KCNU1: variants seen among roughly 807,000 people sequenced by gnomAD.
KCNU1 encodes the protein potassium calcium-activated channel subfamily U member 1.
KCNU1 carries 93 observed loss-of-function variants against 126.8 expected under a neutral mutation model. The observed-to-expected ratio is 0.73, with a 90% CI of 0.62 to 0.87. KCNU1 has a LOEUF of 0.87. KCNU1 is among the 40% of genes least tolerant of loss of function. The pLI, the probability that KCNU1 is intolerant of heterozygous loss-of-function variation, is 0.00. For missense variants in KCNU1, 1,330 were observed against 1,367.1 expected, an observed-to-expected ratio of 0.97 and a Z score of 0.43; for synonymous variants, 523 against 494.2, an observed-to-expected ratio of 1.06 and a Z score of -0.77.
chr8:36,921,619 C>A (rs546807321), intron 23 of KCNU1, among the ~76,000 whole-genome samples: 8 of 138,250 alleles, frequency 5.8e-5, no homozygotes, highest in Non-Finnish European at 1.2e-4. Context: ...GCAGAGGTTG[C>A]AGTGACTGCA....
intron 22 of KCNU1, among the ~76,000 whole-genome samples, chr8:36,917,269 G>T (rs1192545791): frequency 2.0e-5 from 3 of 152,028 alleles, no homozygotes; most frequent in South Asian, 2.1e-4. Context: ...AACAACAGTT[G>T]TAAGCACAAC....
At position 36,840,814 on chromosome 8, in the gene KCNU1, T is replaced by A. The variant is rs868220088; in HGVS notation, c.1632-118T>A. On this transcript the variant is annotated intron_variant, in intron 15 of 26. Coordinates refer to ENST00000399881, the MANE Select transcript of KCNU1 (RefSeq NM_001031836.3). The stretch of plus-strand genomic sequence containing the variant: ...TTCACTTACAAGGGATCATTCCACA[T>A]TGGGAGTTCTTTCCTCTAAGATGTT... 27 of 764,182 alleles carry A rather than the reference T, an allele frequency of 3.5e-5. No individual in the cohort carries two copies. In the African/African-American group the frequency reaches 4.0e-4, roughly 11 times the overall value. The allele number at this position is 764,182 out of a possible 1,614,324, so 47.3% of individuals were successfully genotyped here.
chr8:36,925,043 C>A (rs192964979), intron 24 of KCNU1, among the ~76,000 whole-genome samples: 2 of 152,158 alleles, frequency 1.3e-5, no homozygotes, highest in African/African-American at 2.4e-5. Context: ...CCTCCCACCA[C>A]TCAGCACCTG....
At chr8:36,858,427 T>C (rs538871746) in intron 18 of KCNU1, among the ~76,000 whole-genome samples, 23 of 152,018 alleles carry the variant, frequency 1.5e-4, no homozygotes, top group Non-Finnish European at 2.8e-4. Context: ...GAAAGTCCCA[T>C]TAGAGGAAGG....
At chr8:36,861,114 A>T (rs1805714716) in intron 18 of KCNU1, among the ~76,000 whole-genome samples, 1 of 152,038 alleles carries the variant, frequency 6.6e-6, no homozygotes, top group Non-Finnish European at 1.5e-5. Flanking sequence ...GTCTTAGGTT[A>T]GGTAGGAGAA....
intron 7 of KCNU1, among the ~76,000 whole-genome samples, chr8:36,809,041 C>A (rs1803611529): frequency 6.6e-6 from 1 of 152,072 alleles, no homozygotes; most frequent in African/African-American, 2.4e-5. Flanking sequence ...ACCTAGTAAG[C>A]TCCAAAGGTA....
intron 6 of KCNU1, 45 bp from the exon 7 acceptor site, chr8:36,808,673 C>A (rs748185963): frequency 8.2e-7 from 1 of 1,221,064 alleles, no homozygotes; most frequent in Non-Finnish European, 1.2e-6. Flanking sequence ...TTGTGTTGTT[C>A]TGGAATCTGT....
chr8:36,862,612 A>G (rs1805771982), intron 18 of KCNU1, among the ~76,000 whole-genome samples: 1 of 152,178 alleles, frequency 6.6e-6, no homozygotes, highest in African/African-American at 2.4e-5. Flanking sequence ...CAAAATTATA[A>G]AAGTCATTAA....
At chr8:36,905,460 C>CA (rs200274541) in intron 19 of KCNU1, among the ~76,000 whole-genome samples, 102,663 of 145,338 alleles carry the variant, frequency 0.71, 36,052 homozygotes, top group East Asian at 0.81. Context: ...TAATCTAAGG[C>CA]AAAAAAAAAA....
intron 24 of KCNU1, among the ~76,000 whole-genome samples, chr8:36,923,619 G>A (rs937070422): frequency 6.6e-6 from 1 of 152,132 alleles, no homozygotes; most frequent in East Asian, 1.9e-4. Context: ...CTGCAGAAAG[G>A]GTGTTCAGTG....
In KCNU1 at chr8:36,827,983, A is replaced by C. The variant is rs12676757; in HGVS notation, c.1107-5571A>C. Among the ~76,000 whole-genome samples, 2,856 of 152,062 alleles carry C rather than the reference A, an allele frequency of 0.019. 233 individuals carry two copies. The East Asian group carries it at 0.26, about 14-fold the overall frequency. On this transcript the variant is annotated intron_variant, in intron 10 of 26. Transcript: ENST00000399881. The stretch of plus-strand genomic sequence containing the variant: ...TCTTCATCAATTGTGAGAATTGCAA[A>C]TTTCTTCTTCAGGTTTGTAATTTGT...
At chr8:36,926,751 C>T (rs1471903843) in intron 24 of KCNU1, among the ~76,000 whole-genome samples, 1 of 152,030 alleles carries the variant, frequency 6.6e-6, no homozygotes, top group Non-Finnish European at 1.5e-5. Context: ...AACCTGCAGC[C>T]CAGCTTAATG....
chr8:36,869,280 GTTTTTAATAGAAATGCTTGTTTTGTT>G (rs1361167154), intron 19 of KCNU1, among the ~76,000 whole-genome samples: 3 of 152,058 alleles, frequency 2.0e-5, no homozygotes, highest in Non-Finnish European at 4.4e-5. Flanking sequence ...AGAGGAAAAC[GTTTTTAATAGAAATGCTTGTTTTGTT>G]TGGCCCTATC....
chr8:36,862,054 G>A (rs1047792417), intron 18 of KCNU1, among the ~76,000 whole-genome samples: 1 of 152,068 alleles, frequency 6.6e-6, no homozygotes, highest in Admixed American at 6.6e-5. Context: ...AAATCTGTAA[G>A]GTATCCATAG....
chr8:36,850,170 A>G (rs1018799652), intron 18 of KCNU1, among the ~76,000 whole-genome samples: 7 of 152,098 alleles, frequency 4.6e-5, no homozygotes, highest in African/African-American at 9.7e-5. Flanking sequence ...TCTTTCTACT[A>G]TTGAGTTGTA....
chr8:36,823,939 G>A (rs1804223596), intron 10 of KCNU1, among the ~76,000 whole-genome samples: 1 of 149,838 alleles, frequency 6.7e-6, no homozygotes, highest in South Asian at 2.1e-4. Context: ...CCAGATTCAA[G>A]TGATTCTCCT....
rs150454081 is a variant in KCNU1 at position 36,923,570 on chromosome 8, T to C, written c.2736+941T>C. On this transcript the variant is annotated intron_variant, in intron 24 of 26. Coordinates refer to ENST00000399881, the MANE Select transcript of KCNU1 (RefSeq NM_001031836.3). Reference sequence around the variant, plus strand: ...TTGGTGCTGCGAAGAAAAGTCAGCATGGAGACAAAAGACCTCTCAGCAAGG... The same window carrying C: ...TTGGTGCTGCGAAGAAAAGTCAGCACGGAGACAAAAGACCTCTCAGCAAGG... 1.4e-3 allele frequency among the ~76,000 whole-genome samples: 211 copies of C among 152,198 alleles called. 1 individual carries two copies. The highest frequency in any genetic ancestry group is 6.8e-3 in the Middle Eastern group (2 of 294).
chr8:36,800,236 T>G (rs1009078956), intron 2 of KCNU1, among the ~76,000 whole-genome samples: 9 of 152,190 alleles, frequency 5.9e-5, no homozygotes, highest in Admixed American at 4.6e-4. Context: ...GCCCAAGGTT[T>G]AGAGTACTCC....
intron 7 of KCNU1, among the ~76,000 whole-genome samples, chr8:36,813,378 G>A (rs1585404827): frequency 6.6e-6 from 1 of 151,788 alleles, no homozygotes; most frequent in East Asian, 1.9e-4. Context: ...CATCTTTTGT[G>A]CTAAATAGAA....
Sources: allele counts gnomAD v4.1 joint callset (sites outside exome capture counted in the v4.1 genomes callset), GRCh38; gene constraint gnomAD v4.1.1; transcripts MANE v1.5; gene names NCBI Gene and HGNC (gene_info 2026-07-23, HGNC 2026-07-21).